Variants in NEGR1 observed in about 807,000 individuals in gnomAD.
The protein encoded by NEGR1 is neuronal growth regulator 1.
NEGR1 carries 10 observed loss-of-function variants against 40.9 expected under a neutral mutation model. The observed-to-expected ratio is 0.24, with a 90% CI of 0.15 to 0.42. The LOEUF (loss-of-function observed/expected upper bound fraction) is 0.42, where lower values mean the gene tolerates loss of function less well. NEGR1 is among the 10% of genes least tolerant of loss of function. The pLI, the probability that NEGR1 is intolerant of heterozygous loss-of-function variation, is 1.00. For synonymous variants in NEGR1, 185 were observed against 166.8 expected (o/e 1.11, Z -0.84); for missense variants, 352 against 438.9 (o/e 0.80, Z 1.77).
chr1:71,875,881 A>G (rs1395851074), intron 2 of NEGR1, among the ~76,000 whole-genome samples: 1 of 152,154 alleles, frequency 6.6e-6, no homozygotes, highest in Non-Finnish European at 1.5e-5. Context: ...GAAAAAATGG[A>G]AAGGCTCGAT....
At chr1:72,009,575 A>G (rs1646639102) in intron 1 of NEGR1, among the ~76,000 whole-genome samples, 1 of 152,080 alleles carries the variant, frequency 6.6e-6, no homozygotes. Context: ...CCTACCTACT[A>G]TCATCTAGAA....
intron 1 of NEGR1, among the ~76,000 whole-genome samples, chr1:72,171,607 T>G (rs2100395190): frequency 6.6e-6 from 1 of 152,322 alleles, no homozygotes; most frequent in East Asian, 1.9e-4. Context: ...TTGTCTTTTT[T>G]GCCATAAATA....
intron 5 of NEGR1, among the ~76,000 whole-genome samples, chr1:71,600,517 G>T (rs1168273453): frequency 9.9e-5 from 15 of 152,162 alleles, no homozygotes; most frequent in Non-Finnish European, 2.1e-4. Flanking sequence ...GTAGTGGAAG[G>T]CTGCCAGCCA....
chr1:72,116,282 C>A (rs985217818), intron 1 of NEGR1, among the ~76,000 whole-genome samples: 8 of 151,688 alleles, frequency 5.3e-5, no homozygotes, highest in Admixed American at 2.6e-4. Context: ...GAAAGTTAAG[C>A]CATAAACTTT....
At position 71,460,250 on chromosome 1, in the gene NEGR1, C is replaced by T. The variant is rs565791015; in HGVS notation, c.941-52680G>A. Among the ~76,000 whole-genome samples, 8 of 152,274 alleles carry T rather than the reference C, an allele frequency of 5.3e-5. No homozygotes were observed. The East Asian group carries it at 1.2e-3, about 22-fold the overall frequency. On this transcript the variant is annotated intron_variant, in intron 6 of 6. Coordinates refer to ENST00000357731, the MANE Select transcript of NEGR1 (RefSeq NM_173808.3). The stretch of plus-strand genomic sequence containing the variant: ...TGTGGTGGGATAGTGTTGTTGACAT[C>T]GGTCCAAGTACAAGCTCTGCAGTCA...
chr1:71,669,386 CTTATT>C (rs1239026498), intron 4 of NEGR1, among the ~76,000 whole-genome samples: 1 of 151,814 alleles, frequency 6.6e-6, no homozygotes, highest in African/African-American at 2.4e-5. Flanking sequence ...TTAAAATCTA[CTTATT>C]TTGTGTTCCA....
At chr1:72,135,375 C>CAAAAA (rs71074819) in intron 1 of NEGR1, among the ~76,000 whole-genome samples, 24 of 71,364 alleles carry the variant, frequency 3.4e-4, no homozygotes, top group East Asian at 4.9e-4. Context: ...GACTCCGTCT[C>CAAAAA]AAAAAAAAAA....
intron 6 of NEGR1, among the ~76,000 whole-genome samples, chr1:71,499,678 C>A (rs956759148): frequency 6.6e-6 from 1 of 151,858 alleles, no homozygotes; most frequent in African/African-American, 2.4e-5. Flanking sequence ...AGCCCTGACA[C>A]AGCCACATGA....
chr1:71,502,911 A>T (rs914710710), intron 6 of NEGR1, among the ~76,000 whole-genome samples: 1 of 152,200 alleles, frequency 6.6e-6, no homozygotes, highest in African/African-American at 2.4e-5. Context: ...AGAGGCAGCG[A>T]TTCTTGGGGT....
In NEGR1 at chr1:71,808,129, A is replaced by T. The variant is rs116557204; in HGVS notation, c.410-31832T>A. Among the ~76,000 whole-genome samples the T allele has an allele frequency of 4.9e-3, 743 of 152,316 alleles. 10 individuals are homozygous for T. The highest frequency in any genetic ancestry group is 0.017 in the African/African-American group (714 of 41,582). On this transcript the variant is annotated intron_variant, in intron 2 of 6. Transcript: ENST00000357731. ...AACTTTTTGCAAGAAAAAGCAAAAC[A>T]TGCCAGTAAGATCACCACCACCAAA... is the stretch of plus-strand genomic sequence containing the variant.
chr1:71,404,554 T>C lies in NEGR1; in HGVS notation c.*2892A>G, dbSNP rs1646265901. Reference sequence around the variant, plus strand: ...CTTTCTTTCTTCCTACCTTCTCCCCTTCCTCCCTTCCTTCCTTCATTCCTT... The same window carrying C: ...CTTTCTTTCTTCCTACCTTCTCCCCCTCCTCCCTTCCTTCCTTCATTCCTT... On this transcript the variant is annotated 3_prime_UTR_variant, in exon 7 of 7. Coordinates refer to ENST00000357731, the MANE Select transcript of NEGR1 (RefSeq NM_173808.3). 6.7e-6 allele frequency: 1 copy of C among 149,718 alleles called. No individual in the cohort carries two copies. The highest frequency in any genetic ancestry group is 1.5e-5 in the Non-Finnish European group (1 of 67,090). 9.3% of individuals were successfully genotyped at this position (149,718 alleles called of 1,614,324 possible).
chr1:71,901,472 C>T (rs1661141026), intron 2 of NEGR1, among the ~76,000 whole-genome samples: 1 of 151,890 alleles, frequency 6.6e-6, no homozygotes, highest in African/African-American at 2.4e-5. Context: ...ACATATAGTT[C>T]AAAGTGCTGA....
chr1:71,453,513 T>C (rs1479349257), intron 6 of NEGR1, among the ~76,000 whole-genome samples: 1 of 152,082 alleles, frequency 6.6e-6, no homozygotes, highest in Admixed American at 6.6e-5. Context: ...TTTAGTTTCA[T>C]AGGAAAACAA....
intron 1 of NEGR1, among the ~76,000 whole-genome samples, chr1:72,160,645 T>C (rs1651523236): frequency 6.6e-6 from 1 of 152,182 alleles, no homozygotes; most frequent in South Asian, 2.1e-4. Context: ...TTCTCGCTCC[T>C]GAAAATACTA....
intron 6 of NEGR1, among the ~76,000 whole-genome samples, chr1:71,570,225 T>C (rs1157062155): frequency 1.3e-5 from 2 of 152,216 alleles, no homozygotes; most frequent in African/African-American, 4.8e-5. Context: ...TTCTAATTTG[T>C]TGTATGGCTT....
chr1:71,918,110 G>T (rs1032728685), intron 2 of NEGR1, among the ~76,000 whole-genome samples: 1 of 148,998 alleles, frequency 6.7e-6, no homozygotes, highest in Non-Finnish European at 1.5e-5. Flanking sequence ...CCAGCTACTC[G>T]GGAGGCTGAG....
At chr1:72,157,884 A>C (rs930977242) in intron 1 of NEGR1, among the ~76,000 whole-genome samples, 3 of 152,200 alleles carry the variant, frequency 2.0e-5, no homozygotes, top group Non-Finnish European at 4.4e-5. Flanking sequence ...CTACTTAAGA[A>C]TAAAACTACA....
chr1:71,732,494 G>GTGTGTGGC (rs1654913316), intron 3 of NEGR1, among the ~76,000 whole-genome samples: 1 of 57,614 alleles, frequency 1.7e-5, no homozygotes, highest in African/African-American at 4.0e-5. Context: ...ACTGAATGCT[G>GTGTGTGGC]TGTGTGTGTG....
intron 1 of NEGR1, among the ~76,000 whole-genome samples, chr1:72,165,699 T>C (rs189577241): frequency 6.6e-6 from 1 of 152,132 alleles, no homozygotes; most frequent in African/African-American, 2.4e-5. Context: ...ATGGTGTCCA[T>C]TCTCGGCATC....
Sources: allele counts gnomAD v4.1 joint callset (sites outside exome capture counted in the v4.1 genomes callset), GRCh38; gene constraint gnomAD v4.1.1; transcripts MANE v1.5; gene names NCBI Gene and HGNC (gene_info 2026-07-23, HGNC 2026-07-21).